Variants in SPOP observed in about 807,000 individuals in gnomAD.
SPOP encodes the protein speckle type BTB/POZ protein.
A neutral mutation model predicts 45.6 loss-of-function variants in SPOP; 11 were observed. The observed-to-expected ratio is 0.24, with a 90% CI of 0.15 to 0.40. SPOP has a LOEUF of 0.40. Among genes scored for constraint, SPOP ranks in the 10% least tolerant of loss-of-function variants. The pLI is 1.00. For synonymous variants in SPOP, 166 were observed against 166.3 expected (o/e 1.00, Z 0.01); for missense variants, 152 against 465.6 (o/e 0.33, Z 6.20).
chr17:49,650,267 G>C (rs971342890), intron 1 of SPOP, among the ~76,000 whole-genome samples: 22 of 152,046 alleles, frequency 1.4e-4, no homozygotes, highest in African/African-American at 4.8e-4. Context: ...TGTTTTCCAG[G>C]ATGAGAAATT....
chr17:49,661,123 G>A (rs1240402666), intron 1 of SPOP, among the ~76,000 whole-genome samples: 1 of 151,962 alleles, frequency 6.6e-6, no homozygotes, highest in African/African-American at 2.4e-5. Context: ...TCACTTATAT[G>A]GCACACAGTA....
intron 2 of SPOP, chr17:49,622,519 C>G (rs959466703): frequency 6.9e-6 from 4 of 579,746 alleles, no homozygotes; most frequent in Non-Finnish European, 1.2e-5. Flanking sequence ...AAGATTCCCC[C>G]TTTCAACCTC....
intron 1 of SPOP, among the ~76,000 whole-genome samples, chr17:49,663,200 T>A (rs1045811324): frequency 1.3e-5 from 2 of 152,180 alleles, no homozygotes; most frequent in African/African-American, 2.4e-5. Context: ...TCCTGTGAGA[T>A]CAGCCATGGC....
chr17:49,647,945 G>T (rs2072786626), intron 1 of SPOP, among the ~76,000 whole-genome samples: 1 of 152,032 alleles, frequency 6.6e-6, no homozygotes, highest in Non-Finnish European at 1.5e-5. Context: ...CCTCTCCTTT[G>T]CCACAAGCTT....
At chr17:49,614,274 A>G (rs2072035977) in intron 5 of SPOP, among the ~76,000 whole-genome samples, 2 of 152,234 alleles carry the variant, frequency 1.3e-5, no homozygotes, top group African/African-American at 4.8e-5. Flanking sequence ...AAAAGAATGA[A>G]TAAATTATAC....
intron 1 of SPOP, among the ~76,000 whole-genome samples, chr17:49,656,216 G>C (rs1436973519): frequency 6.6e-6 from 1 of 152,116 alleles, no homozygotes; most frequent in Non-Finnish European, 1.5e-5. Context: ...ATCCACAAAA[G>C]TTGCAACTAG....
intron 8 of SPOP, among the ~76,000 whole-genome samples, chr17:49,606,057 G>C (rs1208084101): frequency 6.6e-6 from 1 of 151,238 alleles, no homozygotes; most frequent in Non-Finnish European, 1.5e-5. Flanking sequence ...ATATCCTCCT[G>C]TATACTTTAA....
At chr17:49,648,242 TA>T (rs1455076262) in intron 1 of SPOP, among the ~76,000 whole-genome samples, 1 of 152,212 alleles carries the variant, frequency 6.6e-6, no homozygotes, top group African/African-American at 2.4e-5. Context: ...AGTGAGCTTT[TA>T]AAATGTAAAT....
intron 1 of SPOP, among the ~76,000 whole-genome samples, chr17:49,656,309 C>T (rs1227755060): frequency 6.6e-6 from 1 of 152,138 alleles, no homozygotes; most frequent in Non-Finnish European, 1.5e-5. Flanking sequence ...TATAAAGAAC[C>T]TTTCTCCAGT....
chr17:49,611,549 A>T (rs578031841), intron 5 of SPOP, 92 bp from the exon 6 acceptor site: 94 of 1,121,766 alleles, frequency 8.4e-5, no homozygotes, highest in Non-Finnish European at 1.2e-4. Context: ...GCTGTAGTAC[A>T]TTCAGATACT....
intron 3 of SPOP, among the ~76,000 whole-genome samples, chr17:49,621,223 T>C (rs777796256): frequency 6.6e-6 from 1 of 152,256 alleles, no homozygotes; most frequent in African/African-American, 2.4e-5. Flanking sequence ...GTACGACATA[T>C]TCCTGGCCAC....
chr17:49,622,924 C>T (rs2072248539), intron 1 of SPOP, 48 bp from the exon 2 acceptor site: 5 of 843,700 alleles, frequency 5.9e-6, no homozygotes, highest in South Asian at 3.1e-5. Flanking sequence ...TATTAAGATA[C>T]GATCCTAACT....
intron 1 of SPOP, among the ~76,000 whole-genome samples, chr17:49,646,947 T>C (rs1249004328): frequency 6.6e-6 from 1 of 152,144 alleles, no homozygotes; most frequent in African/African-American, 2.4e-5. Context: ...ACTTATATTC[T>C]CTAGCTTTCA....
chr17:49,609,559 G>A (rs1273422899), intron 6 of SPOP, among the ~76,000 whole-genome samples: 1 of 152,170 alleles, frequency 6.6e-6, no homozygotes, highest in Admixed American at 6.6e-5. Flanking sequence ...TGGTGAGGAA[G>A]AAGTAAGGAG....
intron 1 of SPOP, among the ~76,000 whole-genome samples, chr17:49,641,443 G>C (rs1640072076): frequency 6.7e-6 from 1 of 150,162 alleles, no homozygotes; most frequent in African/African-American, 2.5e-5. Flanking sequence ...TGTCTGTTTT[G>C]CTGCTGCACC....
At chr17:49,607,969 A>T in intron 6 of SPOP, 40 bp from the exon 7 acceptor site, 1 of 1,596,532 alleles carries the variant, frequency 6.3e-7, no homozygotes, top group African/African-American at 1.3e-5. Context: ...AGGCTATCAC[A>T]GTGAAATCTC....
intron 5 of SPOP, among the ~76,000 whole-genome samples, chr17:49,612,144 A>C (rs117763675): frequency 6.6e-6 from 1 of 152,218 alleles, no homozygotes; most frequent in Non-Finnish European, 1.5e-5. Flanking sequence ...TTGGCCTCCC[A>C]AAGTGCTAAG....
At chr17:49,631,852 G>A (rs1185693811) in intron 1 of SPOP, among the ~76,000 whole-genome samples, 1 of 152,118 alleles carries the variant, frequency 6.6e-6, no homozygotes, top group Non-Finnish European at 1.5e-5. Flanking sequence ...ATCTTCAGAG[G>A]AGTCTTCCCT....
intron 1 of SPOP, among the ~76,000 whole-genome samples, chr17:49,665,483 C>T (rs980903291): frequency 1.3e-5 from 2 of 151,744 alleles, no homozygotes; most frequent in East Asian, 1.9e-4. Flanking sequence ...GGCGTGGTGG[C>T]AGGCGCCTGT....
Sources: allele counts gnomAD v4.1 joint callset (sites outside exome capture counted in the v4.1 genomes callset), GRCh38; gene constraint gnomAD v4.1.1; transcripts MANE v1.5; gene names NCBI Gene and HGNC (gene_info 2026-07-23, HGNC 2026-07-21).